The following CNTNAP5 variants were observed in gnomAD, a reference collection of about 807,000 sequenced individuals.
The protein encoded by CNTNAP5 is contactin associated protein family member 5.
In CNTNAP5, 72 loss-of-function variants were observed where a neutral mutation model predicts 150.2. That is an observed-to-expected ratio of 0.48 (90% CI 0.40 to 0.58). CNTNAP5 has a LOEUF of 0.58. Ranked by LOEUF, CNTNAP5 falls within the 20% of genes least tolerant of loss-of-function variation. CNTNAP5 has a pLI of 0.00. For synonymous variants in CNTNAP5, 672 were observed against 619.8 expected (o/e 1.08, Z -1.25); for missense variants, 1,636 against 1,626.2 (o/e 1.01, Z -0.10).
At chr2:124,856,335 C>A (rs1435467864) in intron 19 of CNTNAP5, among the ~76,000 whole-genome samples, 3 of 152,170 alleles carry the variant, frequency 2.0e-5, no homozygotes, top group African/African-American at 7.2e-5. Context: ...TAATGACTTA[C>A]TTTCCTGTGT....
chr2:124,731,632 C>G (rs761984132), intron 13 of CNTNAP5, among the ~76,000 whole-genome samples: 2 of 151,298 alleles, frequency 1.3e-5, no homozygotes, highest in East Asian at 1.9e-4. Flanking sequence ...AAAGGAGAAC[C>G]AGGAAAGAAA....
At chr2:124,800,230 C>A (rs752306853) in intron 19 of CNTNAP5, among the ~76,000 whole-genome samples, 2 of 152,048 alleles carry the variant, frequency 1.3e-5, no homozygotes, top group Non-Finnish European at 2.9e-5. Flanking sequence ...TGGTTACAAC[C>A]AATGCGAGAT....
rs541737051 is a variant in CNTNAP5, at chr2:124,336,644, G to A, written c.382-80799G>A. Among the ~76,000 whole-genome samples, 11 of 150,576 alleles carry A rather than the reference G, an allele frequency of 7.3e-5. 1 individual carries two copies. Among genetic ancestry groups the A allele is most frequent in the Admixed American group, 4.6e-4 (7 of 15,082 alleles). ...GCAGTGTTTGGTTTTTTGTCCTTGC[G>A]ATAGTTTGCTGAGAATGATGGTTTC... On this transcript the variant is annotated intron_variant, in intron 3 of 23. Coordinates refer to ENST00000682447, the MANE Select transcript of CNTNAP5 (RefSeq NM_001367498.1).
chr2:124,614,645 CTGAGGCTA>C lies in CNTNAP5; in HGVS notation c.1876+4727_1876+4734del, dbSNP rs148770798. Among the ~76,000 whole-genome samples, 15 of 152,164 alleles carry C rather than the reference CTGAGGCTA, an allele frequency of 9.9e-5. No individual in the cohort carries two copies. In the East Asian group the frequency reaches 2.7e-3, roughly 27 times the overall value. On this transcript the variant is annotated intron_variant, in intron 12 of 23. Coordinates refer to ENST00000682447, the MANE Select transcript of CNTNAP5 (RefSeq NM_001367498.1). Reference sequence around the variant, plus strand: ...TCTGGCGGGAGTGTCTCTTAGCATGCTGAGGCTATTATTATTAGTGTATAATGAGCAGT... The same window carrying C: ...TCTGGCGGGAGTGTCTCTTAGCATGCTTATTATTAGTGTATAATGAGCAGT...
At chr2:124,531,487 C>T (rs77710266) in intron 10 of CNTNAP5, among the ~76,000 whole-genome samples, 1 of 152,264 alleles carries the variant, frequency 6.6e-6, no homozygotes. Context: ...TTGATACACC[C>T]TCTGTAGTTC....
intron 12 of CNTNAP5, among the ~76,000 whole-genome samples, chr2:124,624,019 G>C (rs1055342972): frequency 1.3e-5 from 2 of 152,184 alleles, no homozygotes; most frequent in African/African-American, 4.8e-5. Context: ...GGTTTATGAT[G>C]TTGACCAAAG....
Position 124,917,978 on chromosome 2 carries a change from C to T in CNTNAP5, c.*3690C>T, listed in dbSNP as rs1678803422. On this transcript the variant is annotated 3_prime_UTR_variant, in exon 24 of 24. Transcript: ENST00000682447. ...CCTTCTGTAAGCTGTTTTGTTTCTC[C>T]TCCTCAAAGTAGATATCTATCAATG... is the stretch of plus-strand genomic sequence containing the variant. Among the ~76,000 whole-genome samples the T allele has an allele frequency of 6.6e-6, 1 of 152,052 alleles. No homozygotes were observed. The highest frequency in any genetic ancestry group is 2.1e-4 in the South Asian group (1 of 4,830).
chr2:124,189,307 C>T (rs1685406954), intron 1 of CNTNAP5, among the ~76,000 whole-genome samples: 1 of 151,998 alleles, frequency 6.6e-6, no homozygotes, highest in African/African-American at 2.4e-5. Flanking sequence ...TTATTGAAAG[C>T]CCTCATAAAG....
At chr2:124,687,306 G>A (rs1203147382) in intron 13 of CNTNAP5, among the ~76,000 whole-genome samples, 3 of 151,916 alleles carry the variant, frequency 2.0e-5, no homozygotes, top group Admixed American at 1.3e-4. Context: ...TGCAGGTGCA[G>A]TCTCTATACT....
intron 1 of CNTNAP5, among the ~76,000 whole-genome samples, chr2:124,159,998 T>C: frequency 6.6e-6 from 1 of 152,194 alleles, no homozygotes; most frequent in Admixed American, 6.5e-5. Context: ...ACACATAGCC[T>C]ATGACATAGT....
At chr2:124,048,700 C>A (rs577583421) in intron 1 of CNTNAP5, among the ~76,000 whole-genome samples, 1 of 152,028 alleles carries the variant, frequency 6.6e-6, no homozygotes, top group Non-Finnish European at 1.5e-5. Flanking sequence ...GTCTTTTATT[C>A]CCCCTTTAAC....
At chr2:124,118,765 G>A (rs10496625) in intron 1 of CNTNAP5, among the ~76,000 whole-genome samples, 13,805 of 152,130 alleles carry the variant, frequency 0.091, 806 homozygotes, top group East Asian at 0.34. Context: ...ATTAACATGC[G>A]TATCTCATTT....
rs369766361 is a variant in CNTNAP5 at position 124,512,508 on chromosome 2, A to C, written c.1327+7952A>C. Among the ~76,000 whole-genome samples, 23 of 152,230 alleles carry C rather than the reference A, an allele frequency of 1.5e-4. No individual in the cohort carries two copies. The South Asian group carries it at 4.6e-3, about 30-fold the overall frequency. On this transcript the variant is annotated intron_variant, in intron 8 of 23. Coordinates refer to ENST00000682447, the MANE Select transcript of CNTNAP5 (RefSeq NM_001367498.1). ...ACAAAATCTCTGGACAAAAGGTGAC[A>C]TGGACAGCAAAGAGCCAGAAACCAA...
At chr2:124,808,449 G>A (rs1206579100) in intron 19 of CNTNAP5, among the ~76,000 whole-genome samples, 2 of 151,918 alleles carry the variant, frequency 1.3e-5, no homozygotes, top group African/African-American at 4.8e-5. Context: ...TTTGTCGGGC[G>A]TGATGGTGCA....
At chr2:124,883,307 G>A (rs1369330400) in intron 21 of CNTNAP5, among the ~76,000 whole-genome samples, 3 of 151,800 alleles carry the variant, frequency 2.0e-5, no homozygotes, top group African/African-American at 7.3e-5. Flanking sequence ...AGCAATCTAT[G>A]TGTCTCAGTC....
intron 3 of CNTNAP5, among the ~76,000 whole-genome samples, chr2:124,321,520 A>G (rs1270865795): frequency 6.6e-6 from 1 of 152,118 alleles, no homozygotes; most frequent in South Asian, 2.1e-4. Flanking sequence ...TCATCATCTA[A>G]AAAAGGGGAA....
chr2:124,283,546 T>A (rs777175525), intron 3 of CNTNAP5, among the ~76,000 whole-genome samples: 3 of 152,130 alleles, frequency 2.0e-5, no homozygotes, highest in Non-Finnish European at 4.4e-5. Flanking sequence ...ATCAAGCACA[T>A]AGGAATAAAT....
chr2:124,554,066 T>C (rs1254535527), intron 10 of CNTNAP5, among the ~76,000 whole-genome samples: 2 of 152,224 alleles, frequency 1.3e-5, no homozygotes, highest in Non-Finnish European at 2.9e-5. Context: ...TTTCTTAAAA[T>C]TTTAAAATCC....
At chr2:124,625,105 A>G (rs73952844) in intron 12 of CNTNAP5, among the ~76,000 whole-genome samples, 11 of 152,080 alleles carry the variant, frequency 7.2e-5, no homozygotes, top group African/African-American at 2.7e-4. Flanking sequence ...CCTGTGTCCA[A>G]ACAGAATTCC....
Sources: allele counts gnomAD v4.1 joint callset (sites outside exome capture counted in the v4.1 genomes callset), GRCh38; gene constraint gnomAD v4.1.1; transcripts MANE v1.5; gene names NCBI Gene and HGNC (gene_info 2026-07-23, HGNC 2026-07-21).